SLC7A5: variants seen among roughly 807,000 people sequenced by gnomAD.
SLC7A5 encodes the protein large neutral amino acids transporter small subunit 1.
Under a neutral mutation model 50.2 loss-of-function variants are expected in SLC7A5, and 23 were observed. That is an observed-to-expected ratio of 0.46 (90% CI 0.33 to 0.65). The LOEUF (loss-of-function observed/expected upper bound fraction) is 0.65. Ranked by LOEUF, SLC7A5 falls within the 30% of genes least tolerant of loss-of-function variation. The pLI is 0.02. For synonymous variants in SLC7A5, 393 were observed against 330.6 expected (o/e 1.19, Z -2.05); for missense variants, 578 against 684.4 (o/e 0.84, Z 1.73).
rs2055413241 is a variant in SLC7A5, at chr16:87,862,600, G to C, written c.538+6285C>G. Among the ~76,000 whole-genome samples the C allele has an allele frequency of 1.3e-5, 2 of 152,226 alleles. No individual in the cohort carries two copies. On this transcript the variant is annotated intron_variant, in intron 1 of 9. Coordinates refer to ENST00000261622, the MANE Select transcript of SLC7A5 (RefSeq NM_003486.7). This position sits in a 1 kb window ranked among gnomAD's most constrained non-coding sequence, Gnocchi z 5.3. ...CTTGCTCCTTCCTTCTTTTGCCAGA[G>C]GAGAAGACAGTGAGGCTGAGGGCTG...
At chr16:87,849,772 C>A (rs1008918891) in intron 2 of SLC7A5, among the ~76,000 whole-genome samples, 4 of 152,086 alleles carry the variant, frequency 2.6e-5, no homozygotes, top group Non-Finnish European at 5.9e-5. Context: ...GACTTCCTGC[C>A]AGCCCTGTCC....
intron 1 of SLC7A5, among the ~76,000 whole-genome samples, chr16:87,855,314 A>C (rs140289986): frequency 5.3e-4 from 80 of 152,094 alleles, no homozygotes; most frequent in African/African-American, 1.9e-3. Flanking sequence ...GCCGGCAGTG[A>C]TACTGACCTC....
rs1459435905 is a variant in SLC7A5 at position 87,831,397 on chromosome 16, G to T, written c.*1573C>A. 6.6e-6 allele frequency: 1 copy of T among 152,278 alleles called. No homozygotes were observed. The highest frequency in any genetic ancestry group is 1.5e-5 in the Non-Finnish European group (1 of 68,072). The allele number at this position is 152,278 out of a possible 1,614,324, so 9.4% of individuals were successfully genotyped here. ...TTTCTCCGGGCCCACTGGATGGTGA[G>T]GGGGTCCCGGTGCCCAGGCGGGGGC... On this transcript the variant is annotated 3_prime_UTR_variant, in exon 10 of 10. Coordinates refer to ENST00000261622, the MANE Select transcript of SLC7A5 (RefSeq NM_003486.7).
At position 87,850,758 on chromosome 16, in the gene SLC7A5, T is replaced by C. The variant is rs115729439; in HGVS notation, c.664+966A>G. Among the ~76,000 whole-genome samples the C allele has an allele frequency of 5.2e-3, 799 of 152,332 alleles. 8 individuals are homozygous for C. Among genetic ancestry groups the C allele is most frequent in the African/African-American group, 0.018 (765 of 41,568 alleles). On this transcript the variant is annotated intron_variant, in intron 2 of 9. Coordinates refer to ENST00000261622, the MANE Select transcript of SLC7A5 (RefSeq NM_003486.7). ...GTGGGATCCAGTGCCAAGGACAGTG[T>C]GTCCCAGGGTCTGTGACCACACAAA...
chr16:87,837,048 C>T (rs2055015610), intron 7 of SLC7A5, among the ~76,000 whole-genome samples: 1 of 152,240 alleles, frequency 6.6e-6, no homozygotes. Flanking sequence ...TCTGTAACCC[C>T]CGGCACAGCC....
At chr16:87,857,687 A>G (rs1213471787) in intron 1 of SLC7A5, among the ~76,000 whole-genome samples, 2 of 152,216 alleles carry the variant, frequency 1.3e-5, no homozygotes. Context: ...AAACAGAGAG[A>G]TGATCCCAAG....
At chr16:87,866,096 T>C (rs1276413261) in intron 1 of SLC7A5, among the ~76,000 whole-genome samples, 1 of 109,436 alleles carries the variant, frequency 9.1e-6, no homozygotes, top group Non-Finnish European at 1.9e-5. Context: ...CAGGGTTCTA[T>C]GGGGGGGCGG....
At chr16:87,857,101 C>T (rs777070810) in intron 1 of SLC7A5, among the ~76,000 whole-genome samples, 18 of 152,246 alleles carry the variant, frequency 1.2e-4, no homozygotes, top group Non-Finnish European at 2.1e-4. Context: ...CCAAGCCTGC[C>T]CATGCCGGCT....
In SLC7A5 at chr16:87,833,468, C is replaced by T. The variant is rs1407479685; in HGVS notation, c.1469-443G>A. Among the ~76,000 whole-genome samples the T allele has an allele frequency of 6.6e-6, 1 of 152,318 alleles. No individual in the cohort carries two copies. The highest frequency in any genetic ancestry group is 1.9e-4 in the East Asian group (1 of 5,174). On this transcript the variant is annotated intron_variant, in intron 9 of 9. Coordinates refer to ENST00000261622, the MANE Select transcript of SLC7A5 (RefSeq NM_003486.7). This position sits in a 1 kb window ranked among gnomAD's most constrained non-coding sequence, Gnocchi z 6.0. ...CGGGTCCTCGGAAGACCTGTCGCGC[C>T]TGGGACTGTCTACAGAGACATCACT...
chr16:87,845,075 G>T (rs1450276621), intron 2 of SLC7A5, among the ~76,000 whole-genome samples: 1 of 152,154 alleles, frequency 6.6e-6, no homozygotes, highest in Non-Finnish European at 1.5e-5. Flanking sequence ...GTGGCACCTT[G>T]GGTCTGGACC....
intron 7 of SLC7A5, chr16:87,837,445 CCAGAGGGAACAAAGG>C: frequency 7.7e-6 from 2 of 258,632 alleles, no homozygotes; most frequent in Non-Finnish European, 7.6e-6. Flanking sequence ...TGTGACACAG[CCAGAGGGAACAAAGG>C]CAGTCACGCG....
Position 87,861,796 on chromosome 16 carries a change from G to A in SLC7A5, c.538+7089C>T, listed in dbSNP as rs2055402087. Among the ~76,000 whole-genome samples the A allele has an allele frequency of 6.6e-6, 1 of 152,230 alleles. No individual in the cohort carries two copies. The highest frequency in any genetic ancestry group is 6.5e-5 in the Admixed American group (1 of 15,288). Reference sequence around the variant, plus strand: ...AAAAAGGGTCACAAGTGCCCGTTAGGCTCTCCTGTGTGGCTCAGGTCATGT... The same window carrying A: ...AAAAAGGGTCACAAGTGCCCGTTAGACTCTCCTGTGTGGCTCAGGTCATGT... On this transcript the variant is annotated intron_variant, in intron 1 of 9. Coordinates refer to ENST00000261622, the MANE Select transcript of SLC7A5 (RefSeq NM_003486.7). This position sits in a 1 kb window ranked among gnomAD's most constrained non-coding sequence, Gnocchi z 4.2.
chr16:87,840,803 T>A (rs775415399), intron 3 of SLC7A5, among the ~76,000 whole-genome samples: 5 of 152,180 alleles, frequency 3.3e-5, no homozygotes, highest in Non-Finnish European at 7.4e-5. Flanking sequence ...ACCTGCCACC[T>A]TCGCCAAGAC....
In SLC7A5 at chr16:87,861,410, C is replaced by A. The variant is rs1195133589; in HGVS notation, c.538+7475G>T. ...CCTGGCACCCACCAGACTCCCCAGG[C>A]GTGGCTTTGTGCTCCCCTATGCCTG... On this transcript the variant is annotated intron_variant, in intron 1 of 9. Transcript: ENST00000261622. The surrounding 1 kb of genome is among the most constrained non-coding windows in gnomAD (Gnocchi z 4.2). 6.6e-6 allele frequency among the ~76,000 whole-genome samples: 1 copy of A among 152,282 alleles called. No individual in the cohort carries two copies. Among genetic ancestry groups the A allele is most frequent in the African/African-American group, 2.4e-5 (1 of 41,552 alleles).
intron 2 of SLC7A5, among the ~76,000 whole-genome samples, chr16:87,848,178 GGGA>G (rs1401100370): frequency 6.6e-6 from 1 of 152,248 alleles, no homozygotes; most frequent in Non-Finnish European, 1.5e-5. Context: ...AGTACAATGT[GGGA>G]GGAGAAGGAA....
At chr16:87,850,591 A>G (rs2055209496) in intron 2 of SLC7A5, among the ~76,000 whole-genome samples, 1 of 152,232 alleles carries the variant, frequency 6.6e-6, no homozygotes, top group African/African-American at 2.4e-5. Flanking sequence ...GGGAGAGAAG[A>G]GAAGGAGGCC....
chr16:87,868,130 A>AAG (rs1555517097), intron 1 of SLC7A5, among the ~76,000 whole-genome samples: 2 of 148,996 alleles, frequency 1.3e-5, no homozygotes, highest in African/African-American at 5.0e-5. Flanking sequence ...AAAAAAAAAA[A>AAG]AAAGAAAGAA....
At position 87,862,396 on chromosome 16, in the gene SLC7A5, C is replaced by A. The variant is rs1382046795; in HGVS notation, c.538+6489G>T. ...CAGCCATCAAAACCCACCCCTTACA[C>A]CCTTCACCCTTTAGGGAGGGGCTCA... On this transcript the variant is annotated intron_variant, in intron 1 of 9. Transcript: ENST00000261622. The surrounding 1 kb of genome is among the most constrained non-coding windows in gnomAD (Gnocchi z 5.3). Among the ~76,000 whole-genome samples the A allele has an allele frequency of 6.6e-6, 1 of 152,222 alleles. No homozygotes were observed. Among genetic ancestry groups the A allele is most frequent in the East Asian group, 1.9e-4 (1 of 5,198 alleles).
intron 1 of SLC7A5, among the ~76,000 whole-genome samples, chr16:87,865,171 C>T (rs1484008766): frequency 1.3e-5 from 2 of 152,104 alleles, no homozygotes; most frequent in Non-Finnish European, 2.9e-5. Context: ...AGAGTACATC[C>T]CTTTCTGTTA....
Sources: gnomAD v4.1 joint callset for allele counts (sites outside exome capture counted in the v4.1 genomes callset) on GRCh38, gnomAD v4.1.1 for gene constraint, Gnocchi (gnomAD v3.1) non-coding constraint, MANE v1.5 for transcripts, NCBI Gene and HGNC (gene_info 2026-07-23, HGNC 2026-07-21) for gene names.